SLC24A2: variants seen among roughly 807,000 people sequenced by gnomAD.
SLC24A2 encodes the protein solute carrier family 24 member 2.
Under a neutral mutation model 62.0 loss-of-function variants are expected in SLC24A2, and 36 were observed. The observed-to-expected ratio is 0.58, with a 90% CI of 0.44 to 0.77. The LOEUF is 0.77. Ranked by LOEUF, SLC24A2 falls within the 30% of genes least tolerant of loss-of-function variation. The pLI is 0.00. For synonymous variants in SLC24A2, 358 were observed against 294.0 expected (o/e 1.22, Z -2.23); for missense variants, 846 against 817.9 (o/e 1.03, Z -0.42).
At chr9:19,762,461 A>G (rs560850177) in intron 2 of SLC24A2, among the ~76,000 whole-genome samples, 213 of 152,290 alleles carry the variant, frequency 1.4e-3, no homozygotes, top group Non-Finnish European at 2.1e-3. Flanking sequence ...TTAAGTCTTT[A>G]ATCCATCTTG....
chr9:20,105,818 G>T, the SLC24A2 span, among the ~76,000 whole-genome samples: 12 of 152,084 alleles, frequency 7.9e-5, no homozygotes, highest in African/African-American at 2.9e-4. Flanking sequence ...ACATTCAAAA[G>T]CTAGCAGAAG....
At chr9:20,301,754 C>A in the SLC24A2 span, among the ~76,000 whole-genome samples, 3 of 152,110 alleles carry the variant, frequency 2.0e-5, no homozygotes, top group Non-Finnish European at 2.9e-5. Context: ...ATCATAATCA[C>A]TCAAAGTCCA....
At chr9:19,633,857 G>A (rs1259035464) in intron 2 of SLC24A2, among the ~76,000 whole-genome samples, 2 of 152,112 alleles carry the variant, frequency 1.3e-5, no homozygotes, top group Non-Finnish European at 2.9e-5. Flanking sequence ...TGTTAGACAC[G>A]TGGTCTGCAA....
chr9:20,224,576 T>C, the SLC24A2 span, among the ~76,000 whole-genome samples: 5 of 152,034 alleles, frequency 3.3e-5, no homozygotes, highest in Non-Finnish European at 5.9e-5. Flanking sequence ...TCTAGCAAGT[T>C]GCCTTCAAGG....
At chr9:19,638,819 G>T in intron 2 of SLC24A2, among the ~76,000 whole-genome samples, 1 of 151,854 alleles carries the variant, frequency 6.6e-6, no homozygotes. Context: ...AAAATTCCTG[G>T]ATCCCTACAG....
In SLC24A2 at chr9:19,559,640, C is replaced by T. The variant is rs115920814; in HGVS notation, c.1348-9372G>A. Among the ~76,000 whole-genome samples the T allele has an allele frequency of 1.8e-3, 267 of 152,256 alleles. 2 individuals are homozygous for T. The highest frequency in any genetic ancestry group is 6.1e-3 in the African/African-American group (253 of 41,558). On this transcript the variant is annotated intron_variant, in intron 7 of 10. Transcript: ENST00000341998. Reference sequence around the variant, plus strand: ...AAACAGGGAAACGCTCTGAAATCAACAACTATTTGCCAAATGAAAGGTGCC... The same window carrying T: ...AAACAGGGAAACGCTCTGAAATCAATAACTATTTGCCAAATGAAAGGTGCC...
the SLC24A2 span, among the ~76,000 whole-genome samples, chr9:20,144,767 G>C: frequency 1.1e-3 from 174 of 152,044 alleles, 1 homozygote; most frequent in African/African-American, 4.0e-3. Flanking sequence ...CATAAGAAAG[G>C]TTTGCCTCGT....
intron 2 of SLC24A2, among the ~76,000 whole-genome samples, chr9:19,743,341 T>C (rs200338707): frequency 6.6e-6 from 1 of 152,140 alleles, no homozygotes; most frequent in Non-Finnish European, 1.5e-5. Flanking sequence ...AGAATTTTAA[T>C]TAGCTGCTTT....
At chr9:20,174,644 C>T in the SLC24A2 span, among the ~76,000 whole-genome samples, 1 of 151,998 alleles carries the variant, frequency 6.6e-6, no homozygotes, top group Non-Finnish European at 1.5e-5. Flanking sequence ...ATGAAAACCA[C>T]AATGCAATAC....
At position 19,675,462 on chromosome 9, in the gene SLC24A2, G is replaced by C. The variant is rs113175325; in HGVS notation, c.931-53163C>G. The stretch of plus-strand genomic sequence containing the variant: ...GTCTTCAGCTACCAGGGCAGGCAGA[G>C]AAAGACCATCAGGTGTAAGCATGGT... On this transcript the variant is annotated intron_variant, in intron 2 of 10. Coordinates refer to ENST00000341998, the MANE Select transcript of SLC24A2 (RefSeq NM_020344.4). Among the ~76,000 whole-genome samples, 330 of 152,290 alleles carry C rather than the reference G, an allele frequency of 2.2e-3. 2 individuals carry two copies. Among genetic ancestry groups the C allele is most frequent in the African/African-American group, 7.8e-3 (324 of 41,566 alleles).
intron 2 of SLC24A2, among the ~76,000 whole-genome samples, chr9:19,657,687 C>T (rs896458033): frequency 2.0e-5 from 3 of 152,276 alleles, no homozygotes; most frequent in African/African-American, 7.2e-5. Flanking sequence ...TCCACAAAAT[C>T]CTCTCAGATG....
chr9:19,649,733 T>C (rs1279990921), intron 2 of SLC24A2, among the ~76,000 whole-genome samples: 1 of 152,202 alleles, frequency 6.6e-6, no homozygotes, highest in African/African-American at 2.4e-5. Context: ...CAAGGAAATA[T>C]GGACAGCGGA....
At chr9:20,269,681 A>G in the SLC24A2 span, among the ~76,000 whole-genome samples, 1 of 151,898 alleles carries the variant, frequency 6.6e-6, no homozygotes, top group African/African-American at 2.4e-5. Context: ...CCTCACCAAG[A>G]TTTTTTTTCA....
At chr9:19,653,105 C>G (rs895271981) in intron 2 of SLC24A2, among the ~76,000 whole-genome samples, 2 of 152,280 alleles carry the variant, frequency 1.3e-5, no homozygotes, top group East Asian at 1.9e-4. Context: ...TGCTCACCCC[C>G]CAAACTTGGA....
chr9:20,275,892 G>C, the SLC24A2 span, among the ~76,000 whole-genome samples: 4 of 152,066 alleles, frequency 2.6e-5, no homozygotes, highest in African/African-American at 9.7e-5. Context: ...AAACTCTCAG[G>C]TCTCGCGAGA....
chr9:20,285,209 T>A, the SLC24A2 span, among the ~76,000 whole-genome samples: 71 of 152,266 alleles, frequency 4.7e-4, no homozygotes, highest in African/African-American at 1.4e-3. Context: ...AGTCCTAACA[T>A]CCAATGTGAC....
chr9:19,675,780 C>CCCTGAG lies in SLC24A2; in HGVS notation c.931-53482_931-53481insCTCAGG, dbSNP rs751258672. ...GGAAACCTACCCCAGGCTGAGAAAG[C>CCCTGAG]AAACAGGGTTTTCAGGTTTTGTGCC... On this transcript the variant is annotated intron_variant, in intron 2 of 10. Transcript: ENST00000341998. Among the ~76,000 whole-genome samples the CCCTGAG allele has an allele frequency of 1.5e-3, 230 of 152,248 alleles. 1 individual carries two copies. Among genetic ancestry groups the CCCTGAG allele is most frequent in the Non-Finnish European group, 6.8e-4 (46 of 68,024 alleles).
the SLC24A2 span, among the ~76,000 whole-genome samples, chr9:20,246,156 CAGAG>C: frequency 0.18 from 27,552 of 152,070 alleles, 2,620 homozygotes; most frequent in African/African-American, 0.23. Context: ...GTCTGGCACT[CAGAG>C]AAAGATGCAC....
At chr9:19,835,990 G>A in the SLC24A2 span, among the ~76,000 whole-genome samples, 2,470 of 152,198 alleles carry the variant, frequency 0.016, 69 homozygotes, top group African/African-American at 0.057. Context: ...GGTACATAAC[G>A]AAATGAAGGC....
Sources: allele counts gnomAD v4.1 joint callset (sites outside exome capture counted in the v4.1 genomes callset), GRCh38; gene constraint gnomAD v4.1.1; transcripts MANE v1.5; gene names NCBI Gene and HGNC (gene_info 2026-07-23, HGNC 2026-07-21).